The following PCTP variants were observed in gnomAD, a reference collection of about 807,000 sequenced individuals.
The protein encoded by PCTP is phosphatidylcholine transfer protein, also known as START domain-containing protein 2.
PCTP carries 27 observed loss-of-function variants against 31.0 expected under a neutral mutation model. The observed-to-expected ratio is 0.87, with a 90% confidence interval of 0.64 to 1.20. PCTP has a LOEUF of 1.20. Ranked by LOEUF, PCTP falls within the 50% of genes most tolerant of loss-of-function variation. The probability of loss-of-function intolerance (pLI) is 0.00; values close to 1 mark genes in which losing one functional copy is unlikely to be tolerated. For missense variants in PCTP, 287 were observed against 268.2 expected, an observed-to-expected ratio of 1.07 and a Z score of -0.49; for synonymous variants, 108 against 101.2, an observed-to-expected ratio of 1.07 and a Z score of -0.40.
the PCTP span, among the ~76,000 whole-genome samples, chr17:55,852,648 A>T: frequency 1.3e-5 from 2 of 152,170 alleles, no homozygotes; most frequent in Admixed American, 6.5e-5. Context: ...CCCAGGTTTG[A>T]GTATTTCTCT....
chr17:55,816,234 C>T (rs35532402), intron 3 of PCTP, among the ~76,000 whole-genome samples: 21,276 of 152,146 alleles, frequency 0.14, 1,562 homozygotes, highest in Middle Eastern at 0.2. Flanking sequence ...CAAAGAAATC[C>T]CAAATGTTTT....
At chr17:55,816,701 A>C (rs928474885) in intron 3 of PCTP, among the ~76,000 whole-genome samples, 1 of 152,178 alleles carries the variant, frequency 6.6e-6, no homozygotes, top group Non-Finnish European at 1.5e-5. Context: ...CAGCTCAACA[A>C]ATCAGAAATC....
intron 3 of PCTP, among the ~76,000 whole-genome samples, chr17:55,814,240 G>T (rs562060124): frequency 6.6e-6 from 1 of 152,248 alleles, no homozygotes; most frequent in East Asian, 1.9e-4. Context: ...ATGCACATTT[G>T]TCTACCCTGT....
intron 1 of PCTP, among the ~76,000 whole-genome samples, chr17:55,759,467 G>C (rs2912551): frequency 0.64 from 97,571 of 152,136 alleles, 36,331 homozygotes; most frequent in East Asian, 0.87. Context: ...AGCAGCTGCA[G>C]CTTTGACTTC....
chr17:55,817,156 C>T (rs114577575), intron 3 of PCTP, among the ~76,000 whole-genome samples: 7,248 of 152,236 alleles, frequency 0.048, 542 homozygotes, highest in African/African-American at 0.16. Flanking sequence ...TCAGCATTCT[C>T]GCTTAAATGA....
At chr17:55,785,061 G>A (rs554087381) in intron 2 of PCTP, among the ~76,000 whole-genome samples, 29 of 152,358 alleles carry the variant, frequency 1.9e-4, no homozygotes, top group African/African-American at 6.7e-4. Flanking sequence ...GCCCTCCTCT[G>A]TATGTGGAGT....
intron 5 of PCTP, among the ~76,000 whole-genome samples, chr17:55,834,885 G>A (rs776129946): frequency 6.6e-6 from 1 of 152,124 alleles, no homozygotes; most frequent in Non-Finnish European, 1.5e-5. Flanking sequence ...AAGATATGTT[G>A]AAGTCCAGCC....
intron 5 of PCTP, among the ~76,000 whole-genome samples, chr17:55,831,045 C>T (rs1015830717): frequency 6.6e-6 from 1 of 152,214 alleles, no homozygotes; most frequent in African/African-American, 2.4e-5. Flanking sequence ...CAGCAGCCTT[C>T]TTCCCTTTTG....
At chr17:55,753,531 T>C (rs937299621) in intron 1 of PCTP, among the ~76,000 whole-genome samples, 1 of 152,184 alleles carries the variant, frequency 6.6e-6, no homozygotes, top group Non-Finnish European at 1.5e-5. Flanking sequence ...AAAGGTTAAG[T>C]TGGTTTCTCA....
At chr17:55,811,535 C>A (rs564587601) in intron 3 of PCTP, among the ~76,000 whole-genome samples, 2 of 152,242 alleles carry the variant, frequency 1.3e-5, no homozygotes, top group South Asian at 2.1e-4. Flanking sequence ...TGCTCGGCTG[C>A]CAAAAAAGTA....
At chr17:55,845,587 T>G (rs1394855120), downstream of PCTP, among the ~76,000 whole-genome samples, 3 of 152,188 alleles carry the variant, frequency 2.0e-5, no homozygotes, top group Non-Finnish European at 4.4e-5. Context: ...AAATTATATT[T>G]GGGATTTTGG....
chr17:55,803,204 A>G (rs1301533818), intron 3 of PCTP, among the ~76,000 whole-genome samples: 1 of 152,184 alleles, frequency 6.6e-6, no homozygotes, highest in Non-Finnish European at 1.5e-5. Context: ...TCAAGGAAAT[A>G]AGAGAGGACA....
intron 1 of PCTP, among the ~76,000 whole-genome samples, chr17:55,755,881 T>C (rs1419154711): frequency 6.6e-6 from 1 of 152,028 alleles, no homozygotes; most frequent in African/African-American, 2.4e-5. Flanking sequence ...AGATCCAGAG[T>C]TGTTGAGCGA....
intron 2 of PCTP, among the ~76,000 whole-genome samples, chr17:55,783,286 T>A (rs1911629288): frequency 6.6e-6 from 1 of 152,182 alleles, no homozygotes; most frequent in African/African-American, 2.4e-5. Flanking sequence ...ATGATATTAC[T>A]GATGTAACTT....
intron 3 of PCTP, among the ~76,000 whole-genome samples, chr17:55,798,983 A>G (rs1282214884): frequency 6.6e-6 from 1 of 151,842 alleles, no homozygotes; most frequent in East Asian, 1.9e-4. Context: ...ATAAAAATAT[A>G]TATTTATGTT....
intron 3 of PCTP, among the ~76,000 whole-genome samples, chr17:55,796,164 C>T (rs961005670): frequency 5.9e-5 from 9 of 151,924 alleles, no homozygotes; most frequent in African/African-American, 2.2e-4. Context: ...GATTAGAGTA[C>T]TGTGTCAGTA....
downstream of PCTP, among the ~76,000 whole-genome samples, chr17:55,846,844 A>T (rs1367687125): frequency 6.6e-6 from 1 of 152,234 alleles, no homozygotes; most frequent in Admixed American, 6.5e-5. Context: ...CTATACAATT[A>T]TCAAGATTCT....
intron 5 of PCTP, among the ~76,000 whole-genome samples, chr17:55,828,877 G>A (rs971398481): frequency 1.3e-5 from 2 of 152,204 alleles, no homozygotes; most frequent in Non-Finnish European, 2.9e-5. Flanking sequence ...AACAGCCAAG[G>A]GAGTGCCGGA....
the PCTP span, among the ~76,000 whole-genome samples, chr17:55,852,564 C>T: frequency 6.6e-6 from 1 of 152,170 alleles, no homozygotes. Flanking sequence ...ATATGTTCTC[C>T]TATTGATGAA....
Sources: allele counts gnomAD v4.1 joint callset (sites outside exome capture counted in the v4.1 genomes callset), GRCh38; gene constraint gnomAD v4.1.1; transcripts MANE v1.5; gene names NCBI Gene and HGNC (gene_info 2026-07-23, HGNC 2026-07-21).